Variants in DGKB observed in about 807,000 individuals in gnomAD.
DGKB encodes diacylglycerol kinase beta, also known as 90 kDa diacylglycerol kinase.
Under a neutral mutation model 114.3 loss-of-function variants are expected in DGKB, and 67 were observed. The ratio of observed to expected loss-of-function variants is 0.59; its 90% confidence interval spans 0.48 to 0.72. The LOEUF (loss-of-function observed/expected upper bound fraction) is 0.72. Among genes scored for constraint, DGKB ranks in the 30% least tolerant of loss-of-function variants. The pLI is 0.00. For synonymous variants in DGKB, 398 were observed against 323.1 expected (o/e 1.23, Z -2.49); for missense variants, 907 against 975.2 (o/e 0.93, Z 0.93).
chr7:14,574,099 G>A, intron 20 of DGKB, 113 bp downstream of exon 20: 4 of 792,588 alleles, frequency 5.0e-6, no homozygotes, highest in Non-Finnish European at 7.7e-6. Flanking sequence ...TGTTTTGATG[G>A]CACAAAAGGT....
chr7:14,772,227 T>C (rs1019816933), intron 2 of DGKB, among the ~76,000 whole-genome samples: 25 of 152,172 alleles, frequency 1.6e-4, no homozygotes, highest in African/African-American at 6.0e-4. Context: ...GTCATTCATA[T>C]TTAGCTTAGA....
chr7:14,774,489 T>G (rs1376677731), intron 2 of DGKB, among the ~76,000 whole-genome samples: 1 of 152,202 alleles, frequency 6.6e-6, no homozygotes, highest in Non-Finnish European at 1.5e-5. Context: ...TTATCACTAT[T>G]ACTTTGCTAT....
chr7:14,337,213 G>T lies in DGKB; in HGVS notation c.2122+1302C>A, dbSNP rs549640298. ...TATAAATTAATTTCAATAACTTCTA[G>T]AAACTAATAATTATATTTATTTTCC... is the stretch of plus-strand genomic sequence containing the variant. On this transcript the variant is annotated intron_variant, in intron 23 of 25. Transcript: ENST00000402815. Among the ~76,000 whole-genome samples the T allele has an allele frequency of 2.0e-5, 3 of 151,888 alleles. No homozygotes were observed. The East Asian group carries it at 5.8e-4, about 29-fold the overall frequency.
At chr7:14,887,357 T>C (rs761018132) in intron 1 of DGKB, among the ~76,000 whole-genome samples, 12 of 151,782 alleles carry the variant, frequency 7.9e-5, no homozygotes, top group Non-Finnish European at 1.6e-4. Context: ...TGCGTTCTCT[T>C]GGCTTTCTCT....
rs536611326 is a variant in DGKB, at chr7:14,512,700, C to A, written c.1771-34475G>T. Among the ~76,000 whole-genome samples, 8 of 151,984 alleles carry A rather than the reference C, an allele frequency of 5.3e-5. No individual in the cohort carries two copies. The East Asian group carries it at 1.5e-3, about 29-fold the overall frequency. The stretch of plus-strand genomic sequence containing the variant: ...GGTGTACATATAAAAATTTTAACAC[C>A]TTTTTTTCTCTACTAAATGTGATTA... On this transcript the variant is annotated intron_variant, in intron 20 of 25. Coordinates refer to ENST00000402815, the MANE Select transcript of DGKB (RefSeq NM_001350709.2).
chr7:14,450,531 G>A (rs534403156), intron 21 of DGKB, among the ~76,000 whole-genome samples: 1 of 152,148 alleles, frequency 6.6e-6, no homozygotes, highest in East Asian at 1.9e-4. Context: ...CCAAATCATG[G>A]GATTAGAGAG....
In DGKB at chr7:14,345,361, A is replaced by C. The variant is rs1812313826; in HGVS notation, c.1866T>G (p.Phe622Leu). 1 of 1,545,258 alleles carries C rather than the reference A, an allele frequency of 6.5e-7. No homozygotes were observed. Among genetic ancestry groups the C allele is most frequent in the East Asian group, 2.4e-5 (1 of 41,066 alleles). The change falls in exon 22 of 26, where the codon TTT becomes TTG. Residue 622 changes from phenylalanine (F) to leucine (L), a missense_variant. Physicochemically the swap from Phe to Leu is conservative, Grantham distance 22. Coordinates refer to ENST00000402815, the MANE Select transcript of DGKB (RefSeq NM_001350709.2). ...RMKNKFWYFE[F>L]GTSETFSATC... The stretch of plus-strand genomic sequence containing the variant: ...TGGCTGAGAAAGTTTCAGATGTGCC[A>C]AACTCAAAATACCAAAATTTGTTCT...
At chr7:14,301,263 T>G (rs1430310895) in intron 23 of DGKB, among the ~76,000 whole-genome samples, 1 of 152,128 alleles carries the variant, frequency 6.6e-6, no homozygotes, top group East Asian at 1.9e-4. Flanking sequence ...CTCATTTGAC[T>G]AGGCTACATA....
At position 14,885,001 on chromosome 7, in the gene DGKB, A is replaced by G. The variant is rs143298694; in HGVS notation, c.-188+17591T>C. Among the ~76,000 whole-genome samples, 1,296 of 152,098 alleles carry G rather than the reference A, an allele frequency of 8.5e-3. 22 individuals are homozygous for G. The highest frequency in any genetic ancestry group is 0.03 in the African/African-American group (1,238 of 41,544). ...GAACGCAAAAGCAGGCCCATCACTG[A>G]CAGAAGGGCTTAGTTGAAATGCTCT... On this transcript the variant is annotated intron_variant, in intron 1 of 25. Coordinates refer to ENST00000402815, the MANE Select transcript of DGKB (RefSeq NM_001350709.2).
At chr7:14,283,045 T>A (rs1800239116) in intron 23 of DGKB, among the ~76,000 whole-genome samples, 1 of 151,878 alleles carries the variant, frequency 6.6e-6, no homozygotes, top group East Asian at 1.9e-4. Flanking sequence ...ATAAGGGGTA[T>A]TCAATTAGGA....
intron 2 of DGKB, among the ~76,000 whole-genome samples, chr7:14,833,104 G>A (rs143825397): frequency 2.0e-5 from 3 of 151,814 alleles, no homozygotes; most frequent in Admixed American, 6.6e-5. Flanking sequence ...GATTGAATTC[G>A]GTTCATTCTG....
chr7:14,222,538 C>G (rs749648900), intron 23 of DGKB, among the ~76,000 whole-genome samples: 1 of 151,292 alleles, frequency 6.6e-6, no homozygotes, highest in Non-Finnish European at 1.5e-5. Flanking sequence ...ACTTTATGGG[C>G]TAGCATTCGG....
intron 20 of DGKB, among the ~76,000 whole-genome samples, chr7:14,478,568 A>C (rs1471297667): frequency 2.6e-5 from 4 of 152,148 alleles, no homozygotes; most frequent in Non-Finnish European, 4.4e-5. Context: ...GTAAATGTCA[A>C]ATAGTAATGG....
At chr7:14,479,180 G>A (rs1782631041) in intron 20 of DGKB, among the ~76,000 whole-genome samples, 1 of 152,044 alleles carries the variant, frequency 6.6e-6, no homozygotes, top group Non-Finnish European at 1.5e-5. Flanking sequence ...GTTTCAAAGT[G>A]GAGATAAAAG....
At chr7:14,689,268 C>T (rs1027149301) in intron 9 of DGKB, among the ~76,000 whole-genome samples, 4 of 130,084 alleles carry the variant, frequency 3.1e-5, no homozygotes, top group Admixed American at 9.7e-5. Flanking sequence ...GGCAGTGGCG[C>T]GATCTCGGCT....
intron 23 of DGKB, among the ~76,000 whole-genome samples, chr7:14,272,795 A>G (rs73281231): frequency 0.042 from 6,389 of 152,256 alleles, 453 homozygotes; most frequent in African/African-American, 0.14. Flanking sequence ...TCTTGCAGAA[A>G]TGGCTGTTGC....
chr7:14,279,581 C>T (rs1025433811), intron 23 of DGKB, among the ~76,000 whole-genome samples: 1 of 152,126 alleles, frequency 6.6e-6, no homozygotes, highest in African/African-American at 2.4e-5. Context: ...GAATATTGGC[C>T]CCCACTCTCT....
intron 12 of DGKB, among the ~76,000 whole-genome samples, chr7:14,682,227 A>G (rs1395907358): frequency 6.6e-6 from 1 of 152,050 alleles, no homozygotes; most frequent in Non-Finnish European, 1.5e-5. Context: ...TTCTACCCAA[A>G]CAGTATCCTA....
chr7:14,852,167 T>C (rs894465540), intron 1 of DGKB, among the ~76,000 whole-genome samples: 5 of 152,128 alleles, frequency 3.3e-5, no homozygotes, highest in African/African-American at 1.2e-4. Flanking sequence ...TTCCAGTTAT[T>C]ATTATTATAT....
Sources: allele counts gnomAD v4.1 joint callset (sites outside exome capture counted in the v4.1 genomes callset), GRCh38; gene constraint gnomAD v4.1.1; transcripts MANE v1.5; gene names NCBI Gene and HGNC (gene_info 2026-07-23, HGNC 2026-07-21).